The following ZNF674 variants were observed in gnomAD, a reference collection of about 807,000 sequenced individuals.
ZNF674 encodes the protein zinc finger protein 674.
In ZNF674, 2 loss-of-function variants were observed where a neutral mutation model predicts 7.0. The ratio of observed to expected loss-of-function variants is 0.29; its 90% confidence interval spans 0.12 to 0.90. The LOEUF is 0.90. Ranked by LOEUF, ZNF674 falls within the 40% of genes least tolerant of loss-of-function variation. The pLI is 0.57. For missense variants in ZNF674, 297 were observed against 415.5 expected (o/e 0.71, Z 2.48); for synonymous variants, 103 against 145.2 (o/e 0.71, Z 2.09).
chrX:46,521,114 G>A lies in ZNF674; in HGVS notation c.238+7236C>T, dbSNP rs371308509. On this transcript the variant is annotated intron_variant, in intron 5 of 5. Coordinates refer to ENST00000683375, the MANE Select transcript of ZNF674 (RefSeq NM_001190417.2). ...AGGCGGAAGAATCGCTTGAGCCCGG[G>A]AGGTGGAGGTTGCTCAGGAGGTGGA... Among the ~76,000 whole-genome samples the A allele has an allele frequency of 8.3e-5, 9 of 108,085 alleles. No homozygotes were observed. The East Asian group carries it at 2.3e-3, about 28-fold the overall frequency. The allele number at this position is 108,085 out of a possible 115,157, so 93.9% of individuals were successfully genotyped here.
In ZNF674 at chrX:46,501,323, A is replaced by G. The variant is rs374908275; in HGVS notation, c.251T>C (p.Val84Ala). 17 of 1,198,548 alleles carry G rather than the reference A, an allele frequency of 1.4e-5. No homozygotes were observed. The highest frequency in any genetic ancestry group is 1.3e-4 in the South Asian group (7 of 54,446). ...CTTGTAGTGATCTATCTGCTCGTCA[A>G]CTTCCCAGACTTCTAGAAGAAAATG... ...PVRTCAEVWEVDEQIDHYKES... is the reference protein window; with the variant it reads ...PVRTCAEVWEADEQIDHYKES... Residue 84 changes from valine (V) to alanine (A), a missense_variant, in exon 6 of 6, where the codon GTT becomes GCT. Coordinates refer to ENST00000683375, the MANE Select transcript of ZNF674 (RefSeq NM_001190417.2).
intron 5 of ZNF674, chrX:46,523,067 C>A (rs5952897): frequency 6.0e-4 from 124 of 207,587 alleles, no homozygotes; most frequent in African/African-American, 3.6e-3. Context: ...CTGAAAAGTA[C>A]GCACGTGTTC....
intron 5 of ZNF674, among the ~76,000 whole-genome samples, chrX:46,508,377 A>G (rs148210343): frequency 2.6e-4 from 29 of 112,354 alleles, no homozygotes; most frequent in African/African-American, 9.3e-4. Flanking sequence ...AGAAGAAAGT[A>G]CAAAAAAAGA....
At position 46,519,265 on chromosome X, in the gene ZNF674, A is replaced by ATG. The variant is rs1569476445; in HGVS notation, c.238+9084_238+9085insCA. Among the ~76,000 whole-genome samples the ATG allele has an allele frequency of 6.6e-5, 3 of 45,740 alleles. No homozygotes were observed. The East Asian group carries it at 1.8e-3, about 27-fold the overall frequency. 39.7% of individuals were successfully genotyped at this position (45,740 alleles called of 115,157 possible). On this transcript the variant is annotated intron_variant, in intron 5 of 5. Transcript: ENST00000683375. The stretch of plus-strand genomic sequence containing the variant: ...AGATAGATAGATAGATAGATAGATA[A>ATG]AGATAGATGATAGATAGATAGATAG...
rs1265977648 is a variant in ZNF674 at position 46,532,943 on chromosome X, G to A, written c.16-4034C>T. On this transcript the variant is annotated intron_variant, in intron 3 of 5. Transcript: ENST00000683375. ...GCCGCATTCAAAGCCATCCTGGGCC[G>A]CATGTGGCTCATGGGCTGTGGGTTG... 5.4e-5 allele frequency among the ~76,000 whole-genome samples: 6 copies of A among 112,010 alleles called. No homozygotes were observed. In the South Asian group the frequency reaches 1.5e-3, roughly 28 times the overall value.
chrX:46,506,759 C>G (rs983066018), intron 5 of ZNF674, among the ~76,000 whole-genome samples: 2 of 111,468 alleles, frequency 1.8e-5, no homozygotes, highest in African/African-American at 6.5e-5. Flanking sequence ...TCCTTTCTTA[C>G]GAAAGTACTT....
chrX:46,513,235 C>T (rs1227792883), intron 5 of ZNF674, among the ~76,000 whole-genome samples: 1 of 111,053 alleles, frequency 9.0e-6, no homozygotes, highest in Non-Finnish European at 1.9e-5. Context: ...TGCACTCCAG[C>T]CTGGCAACGA....
rs1941413187 is a variant in ZNF674, at chrX:46,500,899, T to C, written c.675A>G (p.Gly225=). 8.5e-7 allele frequency: 1 copy of C among 1,182,451 alleles called. No homozygotes were observed. The highest frequency in any genetic ancestry group is 1.1e-6 in the Non-Finnish European group (1 of 880,725). Residue 225 remains glycine (G), a synonymous_variant, in exon 6 of 6, where the codon GGA becomes GGG. Transcript: ENST00000683375. ...GEKLYKCTEC[G]KVFIQKANLV... ...AGTTTGCTTTCTGGATAAACACTTTTCCACATTCAGTACATTTGTAGAGTT... is the reference window on the plus strand; with the variant it reads ...AGTTTGCTTTCTGGATAAACACTTTCCCACATTCAGTACATTTGTAGAGTT...
chrX:46,512,953 C>T (rs1459631350), intron 5 of ZNF674, among the ~76,000 whole-genome samples: 1 of 111,196 alleles, frequency 9.0e-6, no homozygotes, highest in Non-Finnish European at 1.9e-5. Flanking sequence ...ACAAACTCAA[C>T]AAAAACATGA....
Position 46,500,729 on chromosome X carries a change from TTTCCACATTCACTGCA to T in ZNF674, c.829_844del (p.Cys277LysfsTer9). Reference sequence around the variant, plus strand: ...CAGAGTTGACTTCTGGATAAAGGTTTTTCCACATTCACTGCATTCATAGGGCTTCTCCCCTGTGTGA... The same window carrying T: ...CAGAGTTGACTTCTGGATAAAGGTTTTTCATAGGGCTTCTCCCCTGTGTGA... On this transcript the variant is annotated frameshift_variant, in exon 6 of 6. Coordinates refer to ENST00000683375, the MANE Select transcript of ZNF674 (RefSeq NM_001190417.2). LOFTEE classifies it low-confidence loss of function (END_TRUNC). The T allele has an allele frequency of 8.3e-7, 1 of 1,209,973 alleles. No individual in the cohort carries two copies. The highest frequency in any genetic ancestry group is 1.1e-6 in the Non-Finnish European group (1 of 894,510).
At chrX:46,505,042 A>C (rs1438537848) in intron 5 of ZNF674, among the ~76,000 whole-genome samples, 1 of 109,959 alleles carries the variant, frequency 9.1e-6, no homozygotes, top group African/African-American at 3.3e-5. Context: ...GGTGCACACC[A>C]CCACACCTGG....
intron 3 of ZNF674, among the ~76,000 whole-genome samples, chrX:46,534,106 C>T (rs1326999706): frequency 9.3e-6 from 1 of 108,043 alleles, no homozygotes; most frequent in Non-Finnish European, 1.9e-5. Flanking sequence ...GGGGAAATGC[C>T]AGAAGCTTAT....
At chrX:46,533,829 A>AATATATATATAT (rs1197442802) in intron 3 of ZNF674, among the ~76,000 whole-genome samples, 24 of 65,542 alleles carry the variant, frequency 3.7e-4, no homozygotes, top group African/African-American at 2.3e-3. Flanking sequence ...AAAAAAAAAA[A>AATATATATATAT]ATATATATAT....
At chrX:46,526,001 T>C (rs930552205) in intron 5 of ZNF674, among the ~76,000 whole-genome samples, 1 of 112,185 alleles carries the variant, frequency 8.9e-6, no homozygotes, top group African/African-American at 3.2e-5. Flanking sequence ...TAAATAGAGA[T>C]ACATGCTATT....
chrX:46,531,926 G>A (rs1383807240), intron 3 of ZNF674, among the ~76,000 whole-genome samples: 3 of 112,018 alleles, frequency 2.7e-5, no homozygotes, highest in Non-Finnish European at 5.6e-5. Context: ...CAGCACTTTG[G>A]GAAGCCGAGG....
rs1942044890 is a variant in ZNF674 at position 46,528,294 on chromosome X, C to T, written c.238+56G>A. 7 of 1,165,544 alleles carry T rather than the reference C, an allele frequency of 6.0e-6. No individual in the cohort carries two copies. The East Asian group carries it at 2.1e-4, about 35-fold the overall frequency. On this transcript the variant is annotated intron_variant, in intron 5 of 5. Coordinates refer to ENST00000683375, the MANE Select transcript of ZNF674 (RefSeq NM_001190417.2). ...CTGAGCACATCCCAGAGGCCAAGCT[C>T]TCACCAACCAACCTGGTCCCTTTTC...
chrX:46,540,586 C>T (rs1046835595), intron 3 of ZNF674, among the ~76,000 whole-genome samples: 1 of 111,312 alleles, frequency 9.0e-6, no homozygotes, highest in African/African-American at 3.3e-5. Flanking sequence ...AAAAATGGAA[C>T]GCAGAAATTA....
chrX:46,524,518 C>T (rs1437596364), intron 5 of ZNF674, among the ~76,000 whole-genome samples: 3 of 106,841 alleles, frequency 2.8e-5, no homozygotes, highest in South Asian at 4.2e-4. Context: ...GAAGAAACCC[C>T]GTCTCTATAT....
intron 5 of ZNF674, among the ~76,000 whole-genome samples, chrX:46,501,818 T>C (rs1941436643): frequency 9.1e-6 from 1 of 109,842 alleles, no homozygotes; most frequent in African/African-American, 3.3e-5. Flanking sequence ...AGGCTTTTGA[T>C]GTCTTATATA....
Sources: allele counts gnomAD v4.1 joint callset (sites outside exome capture counted in the v4.1 genomes callset), GRCh38; gene constraint gnomAD v4.1.1; transcripts MANE v1.5; gene names NCBI Gene and HGNC (gene_info 2026-07-23, HGNC 2026-07-21).